The following LAMA2 variants were observed in gnomAD, a reference collection of about 807,000 sequenced individuals.
LAMA2 encodes laminin subunit alpha 2.
In LAMA2, 269 loss-of-function variants were observed where a neutral mutation model predicts 364.8. That is an observed-to-expected ratio of 0.74 (90% CI 0.67 to 0.82). The LOEUF (loss-of-function observed/expected upper bound fraction) is 0.82. Ranked by LOEUF, LAMA2 falls within the 40% of genes least tolerant of loss-of-function variation. LAMA2 has a pLI of 0.00. For synonymous variants in LAMA2, 1,379 were observed against 1,370.6 expected, an observed-to-expected ratio of 1.01 and a Z score of -0.14; for missense variants, 3,807 against 3,873.2, an observed-to-expected ratio of 0.98 and a Z score of 0.45.
At chr6:129,405,830 G>T (rs934978974) in intron 40 of LAMA2, among the ~76,000 whole-genome samples, 4 of 152,084 alleles carry the variant, frequency 2.6e-5, no homozygotes, top group East Asian at 1.9e-4. Flanking sequence ...TGATATAAAA[G>T]CTATAGCTCA....
At chr6:129,368,896 G>C (rs1777921125) in intron 33 of LAMA2, among the ~76,000 whole-genome samples, 1 of 152,180 alleles carries the variant, frequency 6.6e-6, no homozygotes, top group Admixed American at 6.5e-5. Context: ...TTCAGCCAAA[G>C]ACCATCAAGG....
Position 129,000,483 on chromosome 6 carries a change from T to C in LAMA2, c.113-49435T>C, listed in dbSNP as rs1051108160. On this transcript the variant is annotated intron_variant, in intron 1 of 64. Coordinates refer to ENST00000421865, the MANE Select transcript of LAMA2 (RefSeq NM_000426.4). ...TGGATAAAGAGTCAAGACCCATCAG[T>C]GTGCTGTATTCAGGAAACCCATCTC... is the stretch of plus-strand genomic sequence containing the variant. Among the ~76,000 whole-genome samples, 5 of 990 alleles carry C rather than the reference T, an allele frequency of 5.1e-3. 2 individuals carry two copies. Among genetic ancestry groups the C allele is most frequent in the Non-Finnish European group, 0.013 (5 of 376 alleles). 0.6% of individuals were successfully genotyped at this position (990 alleles called of 152,430 possible). A position where few individuals can be genotyped will look rare whatever the true frequency, so the allele number is the denominator to read the frequency against.
intron 9 of LAMA2, among the ~76,000 whole-genome samples, chr6:129,173,576 TA>T (rs1397519613): frequency 6.6e-6 from 1 of 152,214 alleles, no homozygotes; most frequent in Admixed American, 6.5e-5. Context: ...TCTGGACCAA[TA>T]ATTAATGCTT....
At chr6:129,148,167 G>C (rs985745773) in intron 6 of LAMA2, among the ~76,000 whole-genome samples, 2 of 151,954 alleles carry the variant, frequency 1.3e-5, no homozygotes, top group Non-Finnish European at 2.9e-5. Context: ...AGAATACTAC[G>C]CTGCCATAAA....
chr6:129,104,687 A>G (rs1480371451), intron 4 of LAMA2, among the ~76,000 whole-genome samples: 1 of 152,112 alleles, frequency 6.6e-6, no homozygotes, highest in African/African-American at 2.4e-5. Flanking sequence ...TCTTAATTGC[A>G]TCATCTCTGA....
intron 2 of LAMA2, among the ~76,000 whole-genome samples, chr6:129,058,841 G>A (rs1788676325): frequency 3.3e-5 from 5 of 152,204 alleles, no homozygotes; most frequent in African/African-American, 2.4e-5. Context: ...AACCCAATAG[G>A]AGCATAGATG....
At chr6:129,185,382 A>C (rs1399777604) in intron 10 of LAMA2, among the ~76,000 whole-genome samples, 4 of 151,922 alleles carry the variant, frequency 2.6e-5, no homozygotes, top group African/African-American at 9.7e-5. Context: ...AAAAGAACTT[A>C]GTAAAATTTT....
intron 40 of LAMA2, among the ~76,000 whole-genome samples, chr6:129,406,839 A>G (rs113405056): frequency 9.8e-5 from 15 of 152,324 alleles, no homozygotes; most frequent in Middle Eastern, 6.8e-3. Flanking sequence ...ACAATAGGCC[A>G]TCTGCAAGCT....
In LAMA2 at chr6:128,883,796, A is replaced by G. The variant is rs558262576; in HGVS notation, c.112+439A>G. ...TGCATCAAAAAAAAATTATATATAT[A>G]TATATACACACACACACACACACAC... On this transcript the variant is annotated intron_variant, in intron 1 of 64. Transcript: ENST00000421865. Among the ~76,000 whole-genome samples the G allele has an allele frequency of 8.0e-5, 10 of 124,594 alleles. No homozygotes were observed. The East Asian group carries it at 2.0e-3, about 25-fold the overall frequency. The allele number at this position is 124,594 out of a possible 152,430, so 81.7% of individuals were successfully genotyped here. A position where few individuals can be genotyped will look rare whatever the true frequency, so the allele number is the denominator to read the frequency against.
In LAMA2 at chr6:129,299,157, A is replaced by G. The variant is rs180901137; in HGVS notation, c.3037+1292A>G. Among the ~76,000 whole-genome samples, 580 of 152,090 alleles carry G rather than the reference A, an allele frequency of 3.8e-3. 1 individual carries two copies. Among genetic ancestry groups the G allele is most frequent in the Middle Eastern group, 0.034 (10 of 294 alleles). On this transcript the variant is annotated intron_variant, in intron 21 of 64. Coordinates refer to ENST00000421865, the MANE Select transcript of LAMA2 (RefSeq NM_000426.4). ...AGAAACACCATAGAAAAAAAAAAGC[A>G]CAAAACAGGAAGAATAGTAATATGA...
chr6:129,175,715 C>T (rs2115013053), intron 9 of LAMA2, among the ~76,000 whole-genome samples: 1 of 152,224 alleles, frequency 6.6e-6, no homozygotes, highest in East Asian at 1.9e-4. Flanking sequence ...AGGGGAGGAA[C>T]AGCATTAGGA....
At chr6:129,298,828 TAA>T (rs3839402) in intron 21 of LAMA2, among the ~76,000 whole-genome samples, 6 of 151,074 alleles carry the variant, frequency 4.0e-5, no homozygotes, top group South Asian at 2.1e-4. Context: ...TTCTAATTGA[TAA>T]GTTATTCTAA....
intron 34 of LAMA2, among the ~76,000 whole-genome samples, chr6:129,373,013 T>C (rs921955365): frequency 6.6e-6 from 1 of 152,124 alleles, no homozygotes; most frequent in Non-Finnish European, 1.5e-5. Context: ...GAATTCAGAG[T>C]TTTTTGTATA....
intron 19 of LAMA2, among the ~76,000 whole-genome samples, chr6:129,288,555 G>A (rs890668411): frequency 6.6e-6 from 1 of 152,084 alleles, no homozygotes; most frequent in Non-Finnish European, 1.5e-5. Flanking sequence ...TTCGCACACA[G>A]GCATTTGTCA....
chr6:129,422,915 A>G lies in LAMA2; in HGVS notation c.5866-4837A>G, dbSNP rs144493923. Among the ~76,000 whole-genome samples, 167 of 152,252 alleles carry G rather than the reference A, an allele frequency of 1.1e-3. 1 individual carries two copies. Among genetic ancestry groups the G allele is most frequent in the Middle Eastern group, 3.4e-3 (1 of 294 alleles). On this transcript the variant is annotated intron_variant, in intron 40 of 64. Transcript: ENST00000421865. ...TTATATTATATAACAATATCCCTCCATGAACATAGATGTAAAAGTTCATGG... is the reference window on the plus strand; with the variant it reads ...TTATATTATATAACAATATCCCTCCGTGAACATAGATGTAAAAGTTCATGG...
At chr6:129,320,262 A>G (rs1316276005) in intron 27 of LAMA2, among the ~76,000 whole-genome samples, 1 of 152,172 alleles carries the variant, frequency 6.6e-6, no homozygotes, top group Non-Finnish European at 1.5e-5. Flanking sequence ...AGCAGACTAA[A>G]GAGGAGGAGG....
chr6:129,160,137 C>A (rs1390765895), intron 8 of LAMA2, among the ~76,000 whole-genome samples: 2 of 152,048 alleles, frequency 1.3e-5, no homozygotes, highest in African/African-American at 4.8e-5. Flanking sequence ...AAATGCACTT[C>A]CTCTTCTGTT....
intron 1 of LAMA2, among the ~76,000 whole-genome samples, chr6:128,986,812 A>C (rs1783269102): frequency 6.6e-6 from 1 of 152,060 alleles, no homozygotes; most frequent in African/African-American, 2.4e-5. Context: ...TTTTTGCCTG[A>C]AAGTATTTTA....
At chr6:129,194,443 A>G (rs1781719880) in intron 12 of LAMA2, among the ~76,000 whole-genome samples, 1 of 152,172 alleles carries the variant, frequency 6.6e-6, no homozygotes, top group Non-Finnish European at 1.5e-5. Flanking sequence ...GTAGAATCAG[A>G]ACAAAGAATT....
Sources: gnomAD v4.1 joint callset for allele counts (sites outside exome capture counted in the v4.1 genomes callset) on GRCh38, gnomAD v4.1.1 for gene constraint, MANE v1.5 for transcripts, NCBI Gene and HGNC (gene_info 2026-07-23, HGNC 2026-07-21) for gene names.